The following CCNF variants were observed in gnomAD, a reference collection of about 807,000 sequenced individuals.
The protein encoded by CCNF is cyclin F, also known as cyclin-F.
CCNF carries 30 observed loss-of-function variants against 85.4 expected under a neutral mutation model. The ratio of observed to expected loss-of-function variants is 0.35; its 90% CI spans 0.26 to 0.48. The LOEUF is 0.48. Among genes scored for constraint, CCNF ranks in the 20% least tolerant of loss-of-function variants. The probability of loss-of-function intolerance (pLI) is 0.99; values close to 1 mark genes in which losing one functional copy is unlikely to be tolerated. For synonymous variants in CCNF, 439 were observed against 425.1 expected (o/e 1.03, Z -0.40); for missense variants, 919 against 1,010.4 (o/e 0.91, Z 1.23).
At chr16:2,434,566 G>A (rs1293946850) in intron 3 of CCNF, among the ~76,000 whole-genome samples, 1 of 152,290 alleles carries the variant, frequency 6.6e-6, no homozygotes, top group East Asian at 1.9e-4. Context: ...AGCCGAGATC[G>A]CACCACTGCA....
At chr16:2,455,178 A>G (rs527661477) in intron 15 of CCNF, among the ~76,000 whole-genome samples, 1 of 152,034 alleles carries the variant, frequency 6.6e-6, no homozygotes, top group Non-Finnish European at 1.5e-5. Context: ...TCACACCCAG[A>G]CCTGGGGCCT....
chr16:2,432,737 A>G (rs1412877303), intron 2 of CCNF, among the ~76,000 whole-genome samples: 3 of 152,098 alleles, frequency 2.0e-5, no homozygotes, highest in Admixed American at 6.5e-5. Context: ...TTCCCAGATC[A>G]TTGTCCTCTG....
intron 9 of CCNF, among the ~76,000 whole-genome samples, chr16:2,445,170 C>T (rs1371172818): frequency 3.9e-5 from 6 of 152,336 alleles, no homozygotes; most frequent in Admixed American, 1.3e-4. Flanking sequence ...GGCAGACCAA[C>T]GGCTGTGGGC....
rs76549515 is a variant in CCNF, at chr16:2,431,426, C to G, written c.171+142C>G. 2.1e-3 allele frequency: 1,830 copies of G among 859,638 alleles called. 20 individuals carry two copies. Among genetic ancestry groups the G allele is most frequent in the Non-Finnish European group, 8.2e-4 (469 of 569,304 alleles). The allele number at this position is 859,638 out of a possible 1,614,324, so 53.3% of individuals were successfully genotyped here. On this transcript the variant is annotated intron_variant, in intron 2 of 16. Transcript: ENST00000397066. ...AGGCACGGTGGCTCATGCCTTAATC[C>G]TAGCACTTTGGGAGGCCGAAGGGGG...
intron 15 of CCNF, among the ~76,000 whole-genome samples, chr16:2,454,120 C>T (rs959674709): frequency 6.6e-6 from 1 of 152,194 alleles, no homozygotes; most frequent in Non-Finnish European, 1.5e-5. Context: ...CCATGTGCAC[C>T]AGTAACCTTC....
chr16:2,452,973 C>T lies in CCNF; in HGVS notation c.1488-237C>T, dbSNP rs2065403107. On this transcript the variant is annotated intron_variant, in intron 13 of 16. Transcript: ENST00000397066. This position sits in a 1 kb window ranked among gnomAD's most constrained non-coding sequence, Gnocchi z 4.1. ...TTTTGCCTATTGTGAACAGTCCTGC[C>T]ATGAACATTCTAGTACAGGTTTCTG... The T allele has an allele frequency of 1.7e-6, 1 of 577,350 alleles. No homozygotes were observed. Among genetic ancestry groups the T allele is most frequent in the Non-Finnish European group, 3.1e-6 (1 of 322,424 alleles). 35.8% of individuals were successfully genotyped at this position (577,350 alleles called of 1,614,324 possible). A position where few individuals can be genotyped will look rare whatever the true frequency, so the allele number is the denominator to read the frequency against.
rs953060700 is a variant in CCNF at position 2,456,241 on chromosome 16, C to T, written c.1886-304C>T. The T allele has an allele frequency of 3.7e-5, 13 of 348,214 alleles. No homozygotes were observed. Among genetic ancestry groups the T allele is most frequent in the Non-Finnish European group, 6.3e-5 (12 of 190,256 alleles). The allele number at this position is 348,214 out of a possible 1,614,324, so 21.6% of individuals were successfully genotyped here. On this transcript the variant is annotated intron_variant, in intron 16 of 16. Coordinates refer to ENST00000397066, the MANE Select transcript of CCNF (RefSeq NM_001761.3). The surrounding 1 kb of genome is among the most constrained non-coding windows in gnomAD (Gnocchi z 4.5). Reference sequence around the variant, plus strand: ...CCCTGTGCAAACCCCAGGCAGACTGCGGGGTCCTTGCCAGAAGCCCAGTTA... The same window carrying T: ...CCCTGTGCAAACCCCAGGCAGACTGTGGGGTCCTTGCCAGAAGCCCAGTTA...
chr16:2,445,606 A>T lies in CCNF; in HGVS notation c.1078A>T (p.Met360Leu). 6.2e-7 allele frequency: 1 copy of T among 1,612,384 alleles called. No individual in the cohort carries two copies. Among genetic ancestry groups the T allele is most frequent in the Non-Finnish European group, 8.5e-7 (1 of 1,179,968 alleles). ...GCTCCAGCTGCTGGGCATCGCCTGC[A>T]TGGTCATCTGCACCCGGTGAGAAGC... ...YRLQLLGIACMVICTRFISKE... is the reference protein window; with the variant it reads ...YRLQLLGIACLVICTRFISKE... The change falls in exon 10 of 17, where the codon ATG (methionine) becomes TTG (leucine). Residue 360 changes from methionine to leucine, a missense_variant. Met to Leu is a conservative substitution (Grantham distance 15). Transcript: ENST00000397066.
In CCNF at chr16:2,456,977, A is replaced by G. The variant is rs766285320; in HGVS notation, c.2318A>G (p.His773Arg). 1.2e-6 allele frequency: 2 copies of G among 1,606,276 alleles called. No homozygotes were observed. Among genetic ancestry groups the G allele is most frequent in the Non-Finnish European group, 1.7e-6 (2 of 1,175,842 alleles). ...QQVKRINLCIHSEEEDMNLGL... is the reference protein window; with the variant it reads ...QQVKRINLCIRSEEEDMNLGL... ...GTGAAGCGGATAAACCTATGCATAC[A>G]CAGTGAGGAGGAGGACATGAACCTG... The change falls in exon 17 of 17, where the codon CAC becomes CGC. Residue 773 changes from histidine (H) to arginine (R), a missense_variant. Transcript: ENST00000397066. This position sits in a 1 kb window ranked among gnomAD's most constrained non-coding sequence, Gnocchi z 4.5.
chr16:2,440,412 A>G (rs960990501), intron 8 of CCNF, among the ~76,000 whole-genome samples: 1 of 152,156 alleles, frequency 6.6e-6, no homozygotes, highest in African/African-American at 2.4e-5. Flanking sequence ...TGAGGTCAGG[A>G]GTTCGAGACC....
At chr16:2,432,661 C>T (rs2141813586) in intron 2 of CCNF, among the ~76,000 whole-genome samples, 1 of 152,318 alleles carries the variant, frequency 6.6e-6, no homozygotes, top group East Asian at 1.9e-4. Context: ...TTTCCCCTGT[C>T]TTTGGGGGTG....
intron 13 of CCNF, among the ~76,000 whole-genome samples, chr16:2,450,199 T>TC (rs1163464368): frequency 6.8e-6 from 1 of 148,006 alleles, no homozygotes; most frequent in African/African-American, 2.5e-5. Flanking sequence ...AGAGCAAGAC[T>TC]CTGTCTCTAA....
chr16:2,450,372 G>C (rs796790219), intron 13 of CCNF, among the ~76,000 whole-genome samples: 55 of 150,372 alleles, frequency 3.7e-4, no homozygotes, highest in African/African-American at 1.2e-3. Flanking sequence ...TTAGCTGGGC[G>C]TGGTGGCATG....
At position 2,438,382 on chromosome 16, in the gene CCNF, C is replaced by T. The variant is rs182386024; in HGVS notation, c.594+259C>T. Among the ~76,000 whole-genome samples the T allele has an allele frequency of 1.4e-3, 217 of 152,288 alleles. 1 individual carries two copies. Among genetic ancestry groups the T allele is most frequent in the Non-Finnish European group, 1.9e-3 (129 of 68,024 alleles). Reference sequence around the variant, plus strand: ...CAGATCTCAAGGAGGCATCGAACCTCGATGCTCACTCGTCTGCTGGCCCTG... The same window carrying T: ...CAGATCTCAAGGAGGCATCGAACCTTGATGCTCACTCGTCTGCTGGCCCTG... On this transcript the variant is annotated intron_variant, in intron 6 of 16. Transcript: ENST00000397066.
intron 3 of CCNF, among the ~76,000 whole-genome samples, chr16:2,435,363 G>A (rs2065283423): frequency 6.6e-6 from 1 of 151,904 alleles, no homozygotes; most frequent in African/African-American, 2.4e-5. Context: ...GGATCACTTG[G>A]GTCTGGAATT....
At chr16:2,449,166 G>T (rs778688654) in intron 11 of CCNF, 116 bp from the exon 12 acceptor site, 6 of 1,444,664 alleles carry the variant, frequency 4.2e-6, no homozygotes, top group Non-Finnish European at 3.9e-6. Context: ...GGTGCGCTAC[G>T]CGTGCAGCAT....
Position 2,431,196 on chromosome 16 carries a change from G to T in CCNF, c.83G>T (p.Arg28Leu). ...PTKRRIRRRPRNLTILSLPED... is the reference protein window; with the variant it reads ...PTKRRIRRRPLNLTILSLPED... ...AAGCGAAGAATAAGGAGGAGGCCCC[G>T]AAACCTGACCATCTTGAGTCTCCCC... Residue 28 changes from arginine to leucine, a missense_variant, in exon 2 of 17, where the codon CGA (arginine) becomes CTA (leucine). Around this residue, in one of 3 missense-constraint regions of CCNF, gnomAD observed 410 missense variants for 478.6 expected, o/e 0.86. Coordinates refer to ENST00000397066, the MANE Select transcript of CCNF (RefSeq NM_001761.3). The T allele has an allele frequency of 6.2e-7, 1 of 1,614,096 alleles. No individual in the cohort carries two copies. The highest frequency in any genetic ancestry group is 8.5e-7 in the Non-Finnish European group (1 of 1,179,994).
rs1015379178 is a variant in CCNF at position 2,453,275 on chromosome 16, A to G, written c.1553A>G (p.Glu518Gly). The G allele has an allele frequency of 4.3e-6, 7 of 1,613,798 alleles. No individual in the cohort carries two copies. The highest frequency in any genetic ancestry group is 8.5e-7 in the Non-Finnish European group (1 of 1,180,032). Reference sequence around the variant, plus strand: ...CTGACCGCCGTGAAGCAGCGGTTTGAGGACAAGCGCTATGGAGAAATCAGC... The same window carrying G: ...CTGACCGCCGTGAAGCAGCGGTTTGGGGACAAGCGCTATGGAGAAATCAGC... Reference protein sequence around the residue: ...VSLTAVKQRFEDKRYGEISQE... With the variant: ...VSLTAVKQRFGDKRYGEISQE... Residue 518 changes from glutamate to glycine, a missense_variant, in exon 14 of 17, where the codon GAG becomes GGG. Glu to Gly is a moderately conservative substitution (Grantham distance 98, BLOSUM62 -2). This residue lies in a region of CCNF where 505 missense variants were observed against 514.8 expected (regional missense o/e 0.98). Coordinates refer to ENST00000397066, the MANE Select transcript of CCNF (RefSeq NM_001761.3). The surrounding 1 kb of genome is among the most constrained non-coding windows in gnomAD (Gnocchi z 5.6).
At chr16:2,454,828 G>A (rs1405379516) in intron 15 of CCNF, among the ~76,000 whole-genome samples, 1 of 152,178 alleles carries the variant, frequency 6.6e-6, no homozygotes, top group African/African-American at 2.4e-5. Flanking sequence ...GGGAGGCCGA[G>A]GTGGGCGGAT....
Sources: allele counts gnomAD v4.1 joint callset (sites outside exome capture counted in the v4.1 genomes callset), GRCh38; gene constraint gnomAD v4.1.1; regional missense constraint gnomAD v4.1.1; non-coding constraint Gnocchi (gnomAD v3.1); transcripts MANE v1.5; gene names NCBI Gene and HGNC (gene_info 2026-07-23, HGNC 2026-07-21).